Variants in USP7 observed in about 807,000 individuals in gnomAD.
The protein encoded by USP7 is ubiquitin C-terminal hydrolase 7.
A neutral mutation model predicts 162.9 loss-of-function variants in USP7; 9 were observed. The observed-to-expected ratio is 0.06, with a 90% CI of 0.03 to 0.10. The LOEUF is 0.10. Ranked by LOEUF, USP7 falls within the 10% of genes least tolerant of loss-of-function variation. USP7 has a pLI of 1.00. For synonymous variants in USP7, 562 were observed against 475.9 expected (o/e 1.18, Z -2.35); for missense variants, 715 against 1,373.7 (o/e 0.52, Z 7.58).
At chr16:8,904,697 C>G (rs554928196) in intron 14 of USP7, 132 bp from the exon 15 acceptor site, 4 of 1,340,842 alleles carry the variant, frequency 3.0e-6, no homozygotes, top group Admixed American at 2.7e-5. Flanking sequence ...AATCCCAGCA[C>G]TTTGGGAGGC....
chr16:8,956,785 A>AAAC (rs1899828139), intron 1 of USP7, among the ~76,000 whole-genome samples: 1 of 151,168 alleles, frequency 6.6e-6, no homozygotes. Context: ...ACAAAAAAAA[A>AAAC]AAAACACTGA....
In USP7 at chr16:8,939,218, A is replaced by T. The variant is rs528963071; in HGVS notation, c.80-8821T>A. 7.2e-5 allele frequency among the ~76,000 whole-genome samples: 11 copies of T among 152,280 alleles called. No individual in the cohort carries two copies. In the South Asian group the frequency reaches 2.3e-3, roughly 32 times the overall value. ...AGTTAAGATCCTGAACAGTTCCAACACCACAAGGATCCCTCCAGTGGCCCT... is the reference window on the plus strand; with the variant it reads ...AGTTAAGATCCTGAACAGTTCCAACTCCACAAGGATCCCTCCAGTGGCCCT... On this transcript the variant is annotated intron_variant, in intron 1 of 30. Transcript: ENST00000344836.
intron 6 of USP7, 105 bp downstream of exon 6, chr16:8,918,926 G>A: frequency 8.9e-7 from 1 of 1,118,316 alleles, no homozygotes; most frequent in Non-Finnish European, 1.3e-6. Flanking sequence ...GAGGAGACAG[G>A]GCCAGGGGAG....
At position 8,900,502 on chromosome 16, in the gene USP7, G is replaced by A. The variant is rs770172836; in HGVS notation, c.2309+28C>T. The stretch of plus-strand genomic sequence containing the variant: ...AAAAAAATCCTGAAATTAGTACAAA[G>A]TGATACAATCCTTCACAAAGTACAT... On this transcript the variant is annotated intron_variant, in intron 21 of 30. Transcript: ENST00000344836. 6.6e-6 allele frequency: 10 copies of A among 1,508,472 alleles called. No homozygotes were observed. The East Asian group carries it at 1.6e-4, about 25-fold the overall frequency. The allele number at this position is 1,508,472 out of a possible 1,614,324, so 93.4% of individuals were successfully genotyped here.
Position 8,906,492 on chromosome 16 carries a change from C to T in USP7, c.1362G>A (p.Leu454=), listed in dbSNP as rs560545311. Residue 454 remains leucine (L), a synonymous_variant, in exon 13 of 31, where the codon CTG becomes CTA. Coordinates refer to ENST00000344836, the MANE Select transcript of USP7 (RefSeq NM_003470.3). ...CACCATGATTATCTCCACTATGAAC[C>T]AGGACTGCATGAAGAATATAATTTG... ...DPANYILHAV[L]VHSGDNHGGH... 23 of 1,612,916 alleles carry T rather than the reference C, an allele frequency of 1.4e-5. No homozygotes were observed. In the South Asian group the frequency reaches 2.1e-4, roughly 15 times the overall value.
intron 1 of USP7, among the ~76,000 whole-genome samples, chr16:8,946,322 G>A (rs995453984): frequency 1.3e-5 from 2 of 151,986 alleles, no homozygotes; most frequent in Non-Finnish European, 2.9e-5. Flanking sequence ...GGCTTAAGCC[G>A]GTAATCCCAG....
chr16:8,936,061 G>A (rs1288133968), intron 1 of USP7, among the ~76,000 whole-genome samples: 1 of 152,148 alleles, frequency 6.6e-6, no homozygotes, highest in Non-Finnish European at 1.5e-5. Flanking sequence ...AGGGGGCGGG[G>A]GTCGCGAACA....
Position 8,899,591 on chromosome 16 carries a change from A to T in USP7, c.2463+13T>A, listed in dbSNP as rs760442003. On this transcript the variant is annotated intron_variant, in intron 22 of 30. Transcript: ENST00000344836. Reference sequence around the variant, plus strand: ...AGTGGGATCTGAAGAGGAAAGGAGCATTTATTAAATACCTGAAAATAATTC... The same window carrying T: ...AGTGGGATCTGAAGAGGAAAGGAGCTTTTATTAAATACCTGAAAATAATTC... The T allele has an allele frequency of 5.0e-6, 8 of 1,612,908 alleles. No homozygotes were observed. Among genetic ancestry groups the T allele is most frequent in the Non-Finnish European group, 6.8e-6 (8 of 1,178,962 alleles).
intron 1 of USP7, among the ~76,000 whole-genome samples, chr16:8,931,944 G>A (rs758239294): frequency 2.0e-5 from 3 of 152,174 alleles, no homozygotes; most frequent in Non-Finnish European, 2.9e-5. Flanking sequence ...GCATACAGGA[G>A]ATGTGCTTTT....
intron 2 of USP7, among the ~76,000 whole-genome samples, chr16:8,929,014 ATATC>A (rs576882874): frequency 9.7e-4 from 70 of 71,876 alleles, no homozygotes; most frequent in Non-Finnish European, 2.4e-3. Context: ...GCTCCGCCCT[ATATC>A]TATGTCTCCT....
chr16:8,901,941 G>T, intron 18 of USP7, 141 bp downstream of exon 18: 1 of 716,516 alleles, frequency 1.4e-6, no homozygotes, highest in Non-Finnish European at 2.3e-6. Context: ...GACTTCATCA[G>T]GAAGTCTAGT....
intron 1 of USP7, among the ~76,000 whole-genome samples, chr16:8,943,483 T>G (rs1476967720): frequency 6.6e-6 from 1 of 151,982 alleles, no homozygotes; most frequent in Non-Finnish European, 1.5e-5. Flanking sequence ...GATGGAGATC[T>G]GTGACACACA....
chr16:8,930,254 T>G (rs1235843911), intron 2 of USP7, 39 bp downstream of exon 2: 1 of 1,528,566 alleles, frequency 6.5e-7, no homozygotes, highest in East Asian at 2.3e-5. Context: ...TTCTGACAAG[T>G]TTCCGCCCAC....
chr16:8,941,335 A>C (rs1418442766), intron 1 of USP7, among the ~76,000 whole-genome samples: 1 of 152,338 alleles, frequency 6.6e-6, no homozygotes. Flanking sequence ...TGCATCCCCT[A>C]AAGGGTGGAC....
chr16:8,897,517 T>C (rs145646004), intron 25 of USP7, among the ~76,000 whole-genome samples: 1 of 151,612 alleles, frequency 6.6e-6, no homozygotes, highest in East Asian at 1.9e-4. Flanking sequence ...GTCTCGAATT[T>C]TCCCTCTATA....
intron 8 of USP7, among the ~76,000 whole-genome samples, chr16:8,916,293 G>C (rs1437617678): frequency 6.6e-6 from 1 of 152,154 alleles, no homozygotes; most frequent in Non-Finnish European, 1.5e-5. Flanking sequence ...TAAAATTCAA[G>C]CTTCCTCACT....
At chr16:8,895,851 T>G in intron 26 of USP7, 110 bp from the exon 27 acceptor site, 1 of 817,390 alleles carries the variant, frequency 1.2e-6, no homozygotes, top group South Asian at 1.8e-5. Flanking sequence ...TTTTTTTTTT[T>G]TTTTTGAGAC....
intron 20 of USP7, 31 bp from the exon 21 acceptor site, chr16:8,900,661 G>T (rs764167225): frequency 5.2e-6 from 8 of 1,530,608 alleles, no homozygotes; most frequent in East Asian, 4.5e-5. Context: ...TTGTTACACT[G>T]CAAGTTTGTC....
intron 1 of USP7, among the ~76,000 whole-genome samples, chr16:8,945,246 T>C (rs1899226465): frequency 6.6e-6 from 1 of 150,982 alleles, no homozygotes; most frequent in Non-Finnish European, 1.5e-5. Flanking sequence ...TAGCCAGGTG[T>C]GGTGGTGCAC....
Sources: gnomAD v4.1 joint callset for allele counts (sites outside exome capture counted in the v4.1 genomes callset) on GRCh38, gnomAD v4.1.1 for gene constraint, MANE v1.5 for transcripts, NCBI Gene and HGNC (gene_info 2026-07-23, HGNC 2026-07-21) for gene names.